Variants in ZBBX observed in about 807,000 individuals in gnomAD.
ZBBX encodes the protein zinc finger B-box domain containing.
In ZBBX, 101 loss-of-function variants were observed where a neutral mutation model predicts 108.5. That is an observed-to-expected ratio of 0.93 (90% confidence interval 0.79 to 1.10). The LOEUF is 1.10. Ranked by LOEUF, ZBBX falls within the 50% of genes least tolerant of loss-of-function variation. The pLI is 0.00. For synonymous variants in ZBBX, 356 were observed against 323.4 expected (o/e 1.10, Z -1.08); for missense variants, 1,009 against 941.4 (o/e 1.07, Z -0.94).
intron 1 of ZBBX, among the ~76,000 whole-genome samples, chr3:167,393,382 T>C (rs1748136366): frequency 6.6e-6 from 1 of 151,902 alleles, no homozygotes; most frequent in African/African-American, 2.4e-5. Flanking sequence ...TCAAATAATT[T>C]CTTATGCTCA....
At chr3:167,259,562 C>T (rs1724102841) in intron 20 of ZBBX, among the ~76,000 whole-genome samples, 1 of 151,888 alleles carries the variant, frequency 6.6e-6, no homozygotes, top group Non-Finnish European at 1.5e-5. Context: ...GAGGTGTGAC[C>T]TTAGAATGTC....
In ZBBX at chr3:167,317,051, T is replaced by C. The variant is rs775581575; in HGVS notation, c.1148A>G (p.Asn383Ser). 6.2e-7 allele frequency: 1 copy of C among 1,610,938 alleles called. No homozygotes were observed. The highest frequency in any genetic ancestry group is 1.1e-5 in the South Asian group (1 of 90,870). The change falls in exon 14 of 22, where the codon AAC becomes AGC. Residue 383 changes from asparagine to serine, a missense_variant. By Grantham distance (46) the Asn-to-Ser change is conservative. Coordinates refer to ENST00000675490, the MANE Select transcript of ZBBX (RefSeq NM_001199201.2). ...TAGAGATGGTTCAGGTCTCTCTATG[T>C]TTAATGTTTCTACTGGCAATAAAAG... ...TALLLPVETL[N>S]IERPEPSLKI...
intron 5 of ZBBX, 50 bp from the exon 6 acceptor site, chr3:167,366,026 C>T: frequency 1.4e-6 from 2 of 1,383,638 alleles, no homozygotes; most frequent in Non-Finnish European, 2.0e-6. Context: ...CACATTTCTC[C>T]CTTTAATGAA....
rs780614730 is a variant in ZBBX at position 167,350,523 on chromosome 3, G to A, written c.433-8C>T. The A allele has an allele frequency of 6.4e-7, 1 of 1,551,594 alleles. No homozygotes were observed. Among genetic ancestry groups the A allele is most frequent in the Admixed American group, 1.8e-5 (1 of 54,924 alleles). On this transcript the variant is annotated splice_region_variant and splice_polypyrimidine_tract_variant and intron_variant, in intron 8 of 21. Coordinates refer to ENST00000675490, the MANE Select transcript of ZBBX (RefSeq NM_001199201.2). ...TCCACATTCAAGGCATACCTAAAAA[G>A]ATATTTTTTAAAAAATTATACAATC...
intron 6 of ZBBX, among the ~76,000 whole-genome samples, 165 bp downstream of exon 6, chr3:167,365,721 A>G (rs181784193): frequency 6.6e-6 from 1 of 151,924 alleles, no homozygotes; most frequent in East Asian, 1.9e-4. Context: ...TAATTGAATA[A>G]TGAAAGTTGC....
chr3:167,291,164 C>T (rs1270702384), intron 18 of ZBBX, among the ~76,000 whole-genome samples: 1 of 152,028 alleles, frequency 6.6e-6, no homozygotes, highest in Non-Finnish European at 1.5e-5. Context: ...CTTCCCCAAC[C>T]TACCAAGACA....
At chr3:167,218,375 G>C in the ZBBX span, among the ~76,000 whole-genome samples, 3 of 151,942 alleles carry the variant, frequency 2.0e-5, no homozygotes, top group Non-Finnish European at 2.9e-5. Flanking sequence ...ATCTTCAGTA[G>C]AACAATTAAA....
At chr3:167,252,741 T>C (rs957253382) in intron 20 of ZBBX, among the ~76,000 whole-genome samples, 2 of 152,148 alleles carry the variant, frequency 1.3e-5, no homozygotes, top group African/African-American at 2.4e-5. Context: ...AATACTGATG[T>C]TAGTGTATGA....
intron 18 of ZBBX, among the ~76,000 whole-genome samples, 195 bp from the exon 19 acceptor site, chr3:167,289,178 TA>T (rs1358452445): frequency 2.0e-5 from 3 of 152,036 alleles, no homozygotes; most frequent in African/African-American, 7.2e-5. Flanking sequence ...TTTAAAAATT[TA>T]AAAAGTATAT....
intron 20 of ZBBX, among the ~76,000 whole-genome samples, chr3:167,279,007 T>G (rs1333552126): frequency 6.6e-6 from 1 of 152,104 alleles, no homozygotes; most frequent in African/African-American, 2.4e-5. Flanking sequence ...AACCACATGA[T>G]TATCTCAATA....
At chr3:167,262,159 G>GT (rs1423116632) in intron 20 of ZBBX, among the ~76,000 whole-genome samples, 1 of 151,750 alleles carries the variant, frequency 6.6e-6, no homozygotes, top group Non-Finnish European at 1.5e-5. Context: ...GGAAGAGGGG[G>GT]TCTCTCTTTC....
chr3:167,262,146 T>C (rs572826448), intron 20 of ZBBX, among the ~76,000 whole-genome samples: 2 of 152,224 alleles, frequency 1.3e-5, no homozygotes, highest in South Asian at 2.1e-4. Flanking sequence ...GGGATGTATG[T>C]TTGGAAGAGG....
intron 8 of ZBBX, among the ~76,000 whole-genome samples, chr3:167,355,416 C>A (rs866264802): frequency 4.0e-5 from 6 of 151,896 alleles, no homozygotes; most frequent in African/African-American, 1.2e-4. Context: ...GGGATTAAGT[C>A]ATTTGCTGAA....
the ZBBX span, among the ~76,000 whole-genome samples, chr3:167,181,818 C>T: frequency 6.6e-6 from 1 of 152,174 alleles, no homozygotes; most frequent in Admixed American, 6.5e-5. Flanking sequence ...ACTAGACCTA[C>T]CTAGAAGTAA....
intron 1 of ZBBX, among the ~76,000 whole-genome samples, chr3:167,386,390 A>G (rs145296343): frequency 0.015 from 2,253 of 152,204 alleles, 42 homozygotes; most frequent in African/African-American, 0.05. Flanking sequence ...AGAATCATAA[A>G]GTAAAACCAA....
At chr3:167,209,103 G>A in the ZBBX span, among the ~76,000 whole-genome samples, 4 of 150,060 alleles carry the variant, frequency 2.7e-5, no homozygotes, top group African/African-American at 4.8e-5. Flanking sequence ...AGGGAGGAAT[G>A]GGAAGGACTT....
chr3:167,328,816 A>G (rs1343254375), intron 10 of ZBBX, among the ~76,000 whole-genome samples: 6 of 151,984 alleles, frequency 3.9e-5, no homozygotes, highest in African/African-American at 1.4e-4. Flanking sequence ...AATATCACCT[A>G]CTCAGAGAGT....
At chr3:167,369,328 G>A (rs145897771) in intron 4 of ZBBX, among the ~76,000 whole-genome samples, 91 of 152,278 alleles carry the variant, frequency 6.0e-4, no homozygotes, top group African/African-American at 2.0e-3. Context: ...CAATCAAGCA[G>A]TGTGGGCACC....
intron 1 of ZBBX, among the ~76,000 whole-genome samples, chr3:167,397,563 T>C (rs948365584): frequency 6.6e-6 from 1 of 151,866 alleles, no homozygotes; most frequent in Non-Finnish European, 1.5e-5. Flanking sequence ...GAGAGTTGTG[T>C]TGACCAGCAA....
Sources: allele counts gnomAD v4.1 joint callset (sites outside exome capture counted in the v4.1 genomes callset), GRCh38; gene constraint gnomAD v4.1.1; transcripts MANE v1.5; gene names NCBI Gene and HGNC (gene_info 2026-07-23, HGNC 2026-07-21).